Variants in PDE8B observed in about 807,000 individuals in gnomAD.
PDE8B encodes phosphodiesterase 8B.
Under a neutral mutation model 101.3 loss-of-function variants are expected in PDE8B, and 26 were observed. The ratio of observed to expected loss-of-function variants is 0.26; its 90% CI spans 0.19 to 0.36. The LOEUF (loss-of-function observed/expected upper bound fraction) is 0.36, where lower values mean the gene tolerates loss of function less well. PDE8B is among the 10% of genes least tolerant of loss of function. The pLI, the probability that PDE8B is intolerant of heterozygous loss-of-function variation, is 1.00. For missense variants in PDE8B, 810 were observed against 1,163.1 expected, an observed-to-expected ratio of 0.70 and a Z score of 4.42; for synonymous variants, 424 against 429.3, an observed-to-expected ratio of 0.99 and a Z score of 0.15.
chr5:77,268,037 TAAA>T (rs961991597), intron 1 of PDE8B, among the ~76,000 whole-genome samples: 1 of 142,938 alleles, frequency 7.0e-6, no homozygotes. Flanking sequence ...TTTAACAGGT[TAAA>T]AAAAAAAAAG....
the PDE8B span, chr5:77,146,557 A>G: frequency 1.5e-5 from 3 of 203,996 alleles, no homozygotes; most frequent in Non-Finnish European, 3.0e-5. Context: ...ACTGAGGAAA[A>G]ATAACTAAAC....
the PDE8B span, chr5:77,147,136 T>G: frequency 7.3e-6 from 2 of 272,382 alleles, no homozygotes; most frequent in South Asian, 3.0e-5. Flanking sequence ...AAGAGGAAGA[T>G]GAAGATGATG....
chr5:77,287,233 T>C (rs891593402), intron 1 of PDE8B, among the ~76,000 whole-genome samples: 3 of 151,538 alleles, frequency 2.0e-5, no homozygotes, highest in Non-Finnish European at 4.4e-5. Flanking sequence ...GGAAATTCTT[T>C]TATTATTATT....
the PDE8B span, among the ~76,000 whole-genome samples, chr5:77,143,589 G>A: frequency 3.7e-4 from 57 of 152,324 alleles, no homozygotes; most frequent in East Asian, 7.3e-3. Context: ...CAAAGTAACT[G>A]ATGAAAGGTT....
chr5:77,210,860 C>T lies in PDE8B; in HGVS notation c.-66C>T. ...GCGGCCGCCCCCTCACTGCAGGTGG[C>T]AGCGGGTGCGCTGGGTCCCGGCGGC... On this transcript the variant is annotated 5_prime_UTR_variant, in exon 1 of 22. Transcript: ENST00000264917. This position sits in a 1 kb window ranked among gnomAD's most constrained non-coding sequence, Gnocchi z 4.9. 1 of 1,160,124 alleles carries T rather than the reference C, an allele frequency of 8.6e-7. No individual in the cohort carries two copies. Among genetic ancestry groups the T allele is most frequent in the Non-Finnish European group, 1.1e-6 (1 of 945,786 alleles). The allele number at this position is 1,160,124 out of a possible 1,614,324, so 71.9% of individuals were successfully genotyped here. A position where few individuals can be genotyped will look rare whatever the true frequency, so the allele number is the denominator to read the frequency against.
At chr5:77,207,985 G>A (rs1340429029), upstream of PDE8B, among the ~76,000 whole-genome samples, 3 of 152,220 alleles carry the variant, frequency 2.0e-5, no homozygotes, top group African/African-American at 7.2e-5. Context: ...TGCAGTCAAT[G>A]AAAGTCACTG....
intron 1 of PDE8B, among the ~76,000 whole-genome samples, chr5:77,281,206 T>C (rs1405505396): frequency 6.6e-6 from 1 of 152,236 alleles, no homozygotes. Flanking sequence ...AGCTCATTCC[T>C]GAACCTAACT....
chr5:77,339,357 C>A (rs1778783059), intron 6 of PDE8B, among the ~76,000 whole-genome samples: 1 of 152,192 alleles, frequency 6.6e-6, no homozygotes, highest in African/African-American at 2.4e-5. Flanking sequence ...TTGCCTGGCA[C>A]AGAGATTATC....
chr5:77,186,236 T>A, the PDE8B span, among the ~76,000 whole-genome samples: 43 of 152,320 alleles, frequency 2.8e-4, no homozygotes, highest in African/African-American at 9.6e-4. Flanking sequence ...ATGGCAGTAA[T>A]TGCATTACCA....
At chr5:77,097,686 TA>T in the PDE8B span, among the ~76,000 whole-genome samples, 2 of 23,712 alleles carry the variant, frequency 8.4e-5, no homozygotes, top group African/African-American at 1.3e-4. Context: ...GTGGAGATTT[TA>T]TATATCTATA....
chr5:77,387,362 T>G (rs1788936649), intron 10 of PDE8B, among the ~76,000 whole-genome samples: 1 of 152,170 alleles, frequency 6.6e-6, no homozygotes, highest in Non-Finnish European at 1.5e-5. Flanking sequence ...GGGTTGAAAA[T>G]TCTTTTCTTT....
At chr5:77,092,254 A>G in the PDE8B span, among the ~76,000 whole-genome samples, 3 of 152,164 alleles carry the variant, frequency 2.0e-5, no homozygotes, top group African/African-American at 7.2e-5. Context: ...CTTAAATTTA[A>G]TAATTTTCTA....
At chr5:77,233,570 C>T (rs139276962) in intron 1 of PDE8B, among the ~76,000 whole-genome samples, 1 of 151,762 alleles carries the variant, frequency 6.6e-6, no homozygotes, top group East Asian at 2.0e-4. Context: ...AGACTTGATT[C>T]TATATTTAGT....
At chr5:77,274,479 C>G (rs1018575290) in intron 1 of PDE8B, among the ~76,000 whole-genome samples, 11 of 152,314 alleles carry the variant, frequency 7.2e-5, no homozygotes, top group African/African-American at 2.6e-4. Context: ...TATTGAGCAT[C>G]TGACATGTCC....
intron 1 of PDE8B, among the ~76,000 whole-genome samples, chr5:77,282,774 G>T (rs968968974): frequency 6.6e-6 from 1 of 152,088 alleles, no homozygotes; most frequent in Non-Finnish European, 1.5e-5. Flanking sequence ...AGAACTCTCT[G>T]TAGTGGCCTG....
At chr5:77,159,926 A>C in the PDE8B span, among the ~76,000 whole-genome samples, 1 of 152,208 alleles carries the variant, frequency 6.6e-6, no homozygotes, top group Non-Finnish European at 1.5e-5. Flanking sequence ...GATTAAGATT[A>C]AATTTTACTT....
chr5:77,316,606 C>G (rs1270431128), intron 2 of PDE8B, among the ~76,000 whole-genome samples: 3 of 152,164 alleles, frequency 2.0e-5, no homozygotes, highest in African/African-American at 7.2e-5. Flanking sequence ...TTTCTGTCTT[C>G]TCAAACATGA....
In PDE8B at chr5:77,211,913, G is replaced by T. The variant is rs1296762957; in HGVS notation, c.339+649G>T. Among the ~76,000 whole-genome samples the T allele has an allele frequency of 6.6e-6, 1 of 152,134 alleles. No homozygotes were observed. The highest frequency in any genetic ancestry group is 1.5e-5 in the Non-Finnish European group (1 of 68,024). ...TTGAGAGAACCGGGCCATGAGTTCG[G>T]AGTGTCAGCAGAGCCACCGTGAGGG... On this transcript the variant is annotated intron_variant, in intron 1 of 21. Transcript: ENST00000264917. The surrounding 1 kb of genome is among the most constrained non-coding windows in gnomAD (Gnocchi z 4.1).
intron 10 of PDE8B, among the ~76,000 whole-genome samples, chr5:77,379,071 T>G (rs1234480265): frequency 2.0e-5 from 3 of 152,210 alleles, no homozygotes; most frequent in Non-Finnish European, 4.4e-5. Context: ...TGATTATCAC[T>G]GGGCTAAACA....
Sources: gnomAD v4.1 joint callset for allele counts (sites outside exome capture counted in the v4.1 genomes callset) on GRCh38, gnomAD v4.1.1 for gene constraint, Gnocchi (gnomAD v3.1) non-coding constraint, MANE v1.5 for transcripts, NCBI Gene and HGNC (gene_info 2026-07-23, HGNC 2026-07-21) for gene names.